Variants in WIPF1 observed in about 807,000 individuals in gnomAD.
WIPF1 encodes WAS/WASL-interacting protein family member 1.
A neutral mutation model predicts 35.4 loss-of-function variants in WIPF1; 13 were observed. The observed-to-expected ratio is 0.37, with a 90% confidence interval of 0.24 to 0.58. WIPF1 has a LOEUF of 0.58. WIPF1 is among the 20% of genes least tolerant of loss of function. The pLI, the probability that WIPF1 is intolerant of heterozygous loss-of-function variation, is 0.74. For synonymous variants in WIPF1, 267 were observed against 266.3 expected, an observed-to-expected ratio of 1.00 and a Z score of -0.02; for missense variants, 591 against 667.0, an observed-to-expected ratio of 0.89 and a Z score of 1.25.
At chr2:174,586,270 C>T (rs1685419899) in intron 1 of WIPF1, among the ~76,000 whole-genome samples, 1 of 152,094 alleles carries the variant, frequency 6.6e-6, no homozygotes. Context: ...CTTAGCATTT[C>T]CTCAGAGGAT....
upstream of WIPF1, among the ~76,000 whole-genome samples, chr2:174,601,627 C>T (rs1686010846): frequency 6.6e-6 from 1 of 152,228 alleles, no homozygotes; most frequent in South Asian, 2.1e-4. Context: ...AGTGGATGAC[C>T]CACAGGTGCT....
chr2:174,659,178 G>A (rs1180719007), intron 1 of WIPF1, among the ~76,000 whole-genome samples: 1 of 152,152 alleles, frequency 6.6e-6, no homozygotes, highest in East Asian at 1.9e-4. Context: ...ATGTTGCCCA[G>A]GCTGGTCTTG....
intron 1 of WIPF1, among the ~76,000 whole-genome samples, chr2:174,632,893 C>T (rs147089193): frequency 6.6e-6 from 1 of 152,240 alleles, no homozygotes; most frequent in African/African-American, 2.4e-5. Context: ...AGAGCTCCTT[C>T]GAGGGATGTC....
At chr2:174,620,819 C>A (rs867223403) in intron 1 of WIPF1, among the ~76,000 whole-genome samples, 7 of 152,104 alleles carry the variant, frequency 4.6e-5, no homozygotes, top group Non-Finnish European at 7.3e-5. Context: ...CACAGAGGCA[C>A]GTGAGCTGTG....
In WIPF1 at chr2:174,581,436, T is replaced by G. The variant is rs769425496; in HGVS notation, c.55A>C (p.Asn19His). The part of the protein sequence containing the change: ...PPPPPTFALA[N>H]TEKPTLNKTE... Reference sequence around the variant, plus strand: ...TTATTCAAGGTAGGCTTCTCTGTATTGGCCTGAAAGGGAGCCATACAAACA... The same window carrying G: ...TTATTCAAGGTAGGCTTCTCTGTATGGGCCTGAAAGGGAGCCATACAAACA... Residue 19 changes from asparagine to histidine, a missense_variant, in exon 3 of 8, where the codon AAT (asparagine) becomes CAT (histidine). Coordinates refer to ENST00000679041, the MANE Select transcript of WIPF1 (RefSeq NM_001375834.1). The G allele has an allele frequency of 8.1e-6, 13 of 1,613,604 alleles. No homozygotes were observed. In the African/African-American group the frequency reaches 1.5e-4, roughly 18 times the overall value.
At chr2:174,576,230 C>CAAAAAAAAAA (rs66562213) in intron 3 of WIPF1, among the ~76,000 whole-genome samples, 10 of 98,934 alleles carry the variant, frequency 1.0e-4, no homozygotes, top group African/African-American at 3.9e-4. Context: ...TGCACTCCAG[C>CAAAAAAAAAA]AAAAAAAAAA....
At chr2:174,632,291 C>T (rs1372685217) in intron 1 of WIPF1, among the ~76,000 whole-genome samples, 1 of 152,050 alleles carries the variant, frequency 6.6e-6, no homozygotes, top group Non-Finnish European at 1.5e-5. Flanking sequence ...CCATTTTTTG[C>T]ATCTCAAACA....
chr2:174,673,669 T>C (rs1318617858), intron 1 of WIPF1: 1 of 152,300 alleles, frequency 6.6e-6, no homozygotes, highest in Non-Finnish European at 1.5e-5. Flanking sequence ...CCTGGACGTT[T>C]GGCAGAATGT....
At chr2:174,574,528 C>A (rs962617301) in intron 4 of WIPF1, among the ~76,000 whole-genome samples, 2 of 152,164 alleles carry the variant, frequency 1.3e-5, no homozygotes, top group African/African-American at 4.8e-5. Context: ...ATTACAAAAG[C>A]AGTTTTATGG....
chr2:174,575,573 A>C (rs1685031951), intron 3 of WIPF1, 193 bp from the exon 4 acceptor site: 1 of 971,624 alleles, frequency 1.0e-6, no homozygotes, highest in Non-Finnish European at 1.4e-6. Flanking sequence ...TCCCAAGCCC[A>C]GTGGTGGAAG....
chr2:174,637,116 T>G (rs1687200215), intron 1 of WIPF1, among the ~76,000 whole-genome samples: 1 of 152,252 alleles, frequency 6.6e-6, no homozygotes, highest in African/African-American at 2.4e-5. Context: ...GGATATTTAT[T>G]TTATGCCTTG....
upstream of WIPF1, among the ~76,000 whole-genome samples, chr2:174,598,862 A>G (rs184404049): frequency 1.5e-4 from 23 of 152,362 alleles, no homozygotes; most frequent in Admixed American, 1.3e-3. Flanking sequence ...ATACATGTAG[A>G]AAACATTTTA....
At position 174,622,707 on chromosome 2, in the gene WIPF1, G is replaced by A. The variant is rs992247753; in HGVS notation, c.-38-37096C>T. Among the ~76,000 whole-genome samples the A allele has an allele frequency of 2.0e-5, 3 of 152,188 alleles. No homozygotes were observed. The highest frequency in any genetic ancestry group is 4.4e-5 in the Non-Finnish European group (3 of 68,028). ...GCTGATTAGCACTTGTGTCTGCCCCGCGGTCAGAAATTTTATATGGCAACC... is the reference window on the plus strand; with the variant it reads ...GCTGATTAGCACTTGTGTCTGCCCCACGGTCAGAAATTTTATATGGCAACC... On this transcript the variant is annotated intron_variant, in intron 1 of 8. Coordinates refer to the WIPF1 transcript ENST00000272746. This position sits in a 1 kb window ranked among gnomAD's most constrained non-coding sequence, Gnocchi z 5.1.
chr2:174,563,419 CG>C (rs1684547183), intron 7 of WIPF1, among the ~76,000 whole-genome samples: 2 of 152,004 alleles, frequency 1.3e-5, no homozygotes. Flanking sequence ...AAAAATTAGC[CG>C]GGCATGTTGG....
upstream of WIPF1, among the ~76,000 whole-genome samples, chr2:174,601,773 T>A (rs1686015946): frequency 6.6e-6 from 1 of 152,244 alleles, no homozygotes; most frequent in Non-Finnish European, 1.5e-5. Context: ...AAAGTCTACA[T>A]CACCACTTAC....
chr2:174,604,758 T>C (rs760072593), intron 1 of WIPF1, among the ~76,000 whole-genome samples: 4 of 152,216 alleles, frequency 2.6e-5, no homozygotes, highest in Non-Finnish European at 4.4e-5. Flanking sequence ...TTTTAGACTT[T>C]AGAGATTTAT....
chr2:174,585,403 C>A, intron 2 of WIPF1, 120 bp downstream of exon 2: 1 of 1,036,210 alleles, frequency 9.7e-7, no homozygotes, highest in Non-Finnish European at 1.5e-6. Flanking sequence ...ACTGGGAAAG[C>A]CTGTTGTATC....
At chr2:174,564,249 A>T (rs1684573492) in intron 7 of WIPF1, among the ~76,000 whole-genome samples, 1 of 152,158 alleles carries the variant, frequency 6.6e-6, no homozygotes, top group African/African-American at 2.4e-5. Context: ...AATATTAAAC[A>T]TGCCTAATGC....
intron 1 of WIPF1, among the ~76,000 whole-genome samples, chr2:174,617,712 T>C (rs150045702): frequency 1.2e-4 from 19 of 152,332 alleles, no homozygotes; most frequent in African/African-American, 4.6e-4. Context: ...GGTGATGTTC[T>C]CCATTAGCAT....
Sources: gnomAD v4.1 joint callset for allele counts (sites outside exome capture counted in the v4.1 genomes callset) on GRCh38, gnomAD v4.1.1 for gene constraint, Gnocchi (gnomAD v3.1) non-coding constraint, MANE v1.5 for transcripts, NCBI Gene and HGNC (gene_info 2026-07-23, HGNC 2026-07-21) for gene names.